MYOM2: variants seen among roughly 807,000 people sequenced by gnomAD.
MYOM2 encodes the protein myomesin-2.
Under a neutral mutation model 187.6 loss-of-function variants are expected in MYOM2, and 254 were observed. That is an observed-to-expected ratio of 1.35 (90% CI 1.22 to 1.50). The LOEUF (loss-of-function observed/expected upper bound fraction) is 1.50. Among genes scored for constraint, MYOM2 ranks in the 40% most tolerant of loss-of-function variants. The pLI, the probability that MYOM2 is intolerant of heterozygous loss-of-function variation, is 0.00. For synonymous variants in MYOM2, 981 were observed against 753.8 expected, an observed-to-expected ratio of 1.30 and a Z score of -4.94; for missense variants, 2,796 against 1,924.0, an observed-to-expected ratio of 1.45 and a Z score of -8.48.
chr8:2,106,125 C>T, intron 21 of MYOM2, 117 bp from the exon 22 acceptor site: 1 of 1,049,336 alleles, frequency 9.5e-7, no homozygotes, highest in South Asian at 1.6e-5. Flanking sequence ...TTGGGGATTA[C>T]AATTTGAGAT....
At chr8:2,114,678 C>T (rs1439972611) in intron 25 of MYOM2, among the ~76,000 whole-genome samples, 1 of 152,184 alleles carries the variant, frequency 6.6e-6, no homozygotes, top group Non-Finnish European at 1.5e-5. Flanking sequence ...CCATGTTGGC[C>T]AAGCTGGTCT....
rs1202756599 is a variant in MYOM2, at chr8:2,100,951, C to A, written c.2516C>A (p.Ser839Tyr). Residue 839 changes from serine to tyrosine, a missense_variant, in exon 20 of 37, where the codon TCC becomes TAC. Transcript: ENST00000262113. Reference sequence around the variant, plus strand: ...ATGCTGTGGAAGGCCCCTGTGTACTCCGGCAGCAGCCCTGTTTCTGGATAT... The same window carrying A: ...ATGCTGTGGAAGGCCCCTGTGTACTACGGCAGCAGCCCTGTTTCTGGATAT... Reference protein sequence around the residue: ...LVMLWKAPVYSGSSPVSGYFV... With the variant: ...LVMLWKAPVYYGSSPVSGYFV... 2 of 1,614,190 alleles carry A rather than the reference C, an allele frequency of 1.2e-6. No homozygotes were observed. The highest frequency in any genetic ancestry group is 1.3e-5 in the African/African-American group (1 of 75,040).
At chr8:2,103,644 A>G (rs761736069) in intron 21 of MYOM2, among the ~76,000 whole-genome samples, 2 of 150,268 alleles carry the variant, frequency 1.3e-5, no homozygotes, top group Non-Finnish European at 3.0e-5. Flanking sequence ...GAGAGCGTGC[A>G]TGTATTATGT....
chr8:2,050,787 C>A lies in MYOM2; in HGVS notation c.21C>A (p.Pro7=). 6.2e-7 allele frequency: 1 copy of A among 1,612,992 alleles called. No homozygotes were observed. The highest frequency in any genetic ancestry group is 8.5e-7 in the Non-Finnish European group (1 of 1,179,028). Residue 7 remains proline (P), a synonymous_variant, in exon 2 of 37, where the codon CCC becomes CCA. Transcript: ENST00000262113. ...CCAAGATGTCCCTTGTGACTGTCCC[C>A]TTCTACCAGAAGAGACATAGGCACT... The part of the protein sequence containing the change: MSLVTV[P]FYQKRHRHFD...
chr8:2,088,818 A>G (rs1331596192), intron 14 of MYOM2, among the ~76,000 whole-genome samples: 1 of 152,214 alleles, frequency 6.6e-6, no homozygotes, highest in East Asian at 1.9e-4. Context: ...TTCTGCTTTA[A>G]GTTCTTTGAG....
At chr8:2,121,938 T>C (rs184387252) in intron 28 of MYOM2, among the ~76,000 whole-genome samples, 60 of 152,158 alleles carry the variant, frequency 3.9e-4, no homozygotes, top group Middle Eastern at 3.4e-3. Flanking sequence ...TTTGAGGGAG[T>C]GCAGAGAAGA....
At position 2,106,102 on chromosome 8, in the gene MYOM2, A is replaced by G. The variant is rs73544854; in HGVS notation, c.2735-140A>G. The G allele has an allele frequency of 4.8e-3, 3,870 of 806,728 alleles. 112 individuals are homozygous for G. In the African/African-American group the frequency reaches 0.059, roughly 12 times the overall value. The allele number at this position is 806,728 out of a possible 1,614,324, so 50.0% of individuals were successfully genotyped here. A position where few individuals can be genotyped will look rare whatever the true frequency, so the allele number is the denominator to read the frequency against. On this transcript the variant is annotated intron_variant, in intron 21 of 36. Transcript: ENST00000262113. Reference sequence around the variant, plus strand: ...ACCACCCCCGTGATCCAATCACCTCACTCCCTCTACACTTGGGGATTACAA... The same window carrying G: ...ACCACCCCCGTGATCCAATCACCTCGCTCCCTCTACACTTGGGGATTACAA...
In MYOM2 at chr8:2,082,332, C is replaced by T. The variant is rs575365457; in HGVS notation, c.1516+2719C>T. 5.9e-5 allele frequency: 9 copies of T among 152,292 alleles called. No individual in the cohort carries two copies. The South Asian group carries it at 1.5e-3, about 25-fold the overall frequency. 9.4% of individuals were successfully genotyped at this position (152,292 alleles called of 1,614,324 possible). A position where few individuals can be genotyped will look rare whatever the true frequency, so the allele number is the denominator to read the frequency against. ...TATAATGTTTCGAAGCGAACCATTT[C>T]GGGATTCAAGAATTTGCTATTAGGA... On this transcript the variant is annotated intron_variant, in intron 13 of 36. Coordinates refer to ENST00000262113, the MANE Select transcript of MYOM2 (RefSeq NM_003970.4).
intron 32 of MYOM2, among the ~76,000 whole-genome samples, chr8:2,130,593 C>A (rs1026730051): frequency 2.0e-5 from 3 of 152,120 alleles, no homozygotes; most frequent in African/African-American, 7.2e-5. Flanking sequence ...TAGCTTTTTT[C>A]CTATTTCAAT....
chr8:2,135,113 C>T (rs1408946630), intron 32 of MYOM2, among the ~76,000 whole-genome samples: 4 of 152,306 alleles, frequency 2.6e-5, no homozygotes, highest in South Asian at 4.1e-4. Flanking sequence ...TAAAGCCTGG[C>T]TCTCACCTAC....
At chr8:2,122,932 G>C (rs1797506211) in intron 28 of MYOM2, among the ~76,000 whole-genome samples, 2 of 151,802 alleles carry the variant, frequency 1.3e-5, no homozygotes, top group South Asian at 4.2e-4. Flanking sequence ...TATTGCTTAA[G>C]ACTTGTCTTT....
At position 2,137,256 on chromosome 8, in the gene MYOM2, G is replaced by A. The variant is rs192165926; in HGVS notation, c.3801-3467G>A. On this transcript the variant is annotated intron_variant, in intron 32 of 36. Transcript: ENST00000262113. ...TGTGTGGGAGGATGAGCTCACACAG[G>A]GTGATGAGCTCACACAGGGTGGCAG... Among the ~76,000 whole-genome samples the A allele has an allele frequency of 8.6e-5, 13 of 151,860 alleles. No homozygotes were observed. In the East Asian group the frequency reaches 1.9e-3, roughly 23 times the overall value.
intron 2 of MYOM2, 115 bp from the exon 3 acceptor site, chr8:2,052,043 G>C: frequency 2.3e-6 from 3 of 1,286,198 alleles, no homozygotes; most frequent in Non-Finnish European, 3.3e-6. Context: ...GTGTTTGTGT[G>C]TGCTCTGCAT....
chr8:2,086,635 G>C (rs1456655694), intron 14 of MYOM2, among the ~76,000 whole-genome samples: 3 of 152,264 alleles, frequency 2.0e-5, no homozygotes, highest in Non-Finnish European at 4.4e-5. Context: ...CACGGCAGCA[G>C]GGGCGGAAAT....
rs1796243372 is a variant in MYOM2 at position 2,090,053 on chromosome 8, G to A, written c.1690G>A (p.Ala564Thr). ...CTGGCAGAGAGTCAACGCCCAGACG[G>A]CTGTGAGATCCCCGAGATATGCCGT... ...GSWQRVNAQT[A>T]VRSPRYAVFD... The change falls in exon 15 of 37, where the codon GCT becomes ACT. Residue 564 changes from alanine to threonine, a missense_variant. Physicochemically the swap from Ala to Thr is moderately conservative, Grantham distance 58. Coordinates refer to ENST00000262113, the MANE Select transcript of MYOM2 (RefSeq NM_003970.4). 2.5e-6 allele frequency: 4 copies of A among 1,614,112 alleles called. No individual in the cohort carries two copies. Among genetic ancestry groups the A allele is most frequent in the Non-Finnish European group, 3.4e-6 (4 of 1,180,012 alleles).
In MYOM2 at chr8:2,127,604, G is replaced by A. The variant is rs926559184; in HGVS notation, c.3695-1523G>A. 1.8e-4 allele frequency: 27 copies of A among 153,668 alleles called. 6 individuals carry two copies. The highest frequency in any genetic ancestry group is 3.1e-4 in the Non-Finnish European group (22 of 70,374). The allele number at this position is 153,668 out of a possible 1,614,324, so 9.5% of individuals were successfully genotyped here. A position where few individuals can be genotyped will look rare whatever the true frequency, so the allele number is the denominator to read the frequency against. ...CTCGGCGTGACGCGGTGACGCAGCC[G>A]CAGGCAGGCAGTACCTCGGCGTGAC... On this transcript the variant is annotated intron_variant, in intron 31 of 36. Transcript: ENST00000262113.
Position 2,079,598 on chromosome 8 carries a change from C to T in MYOM2, c.1501C>T (p.Gln501Ter), listed in dbSNP as rs1474471893. The T allele has an allele frequency of 2.5e-6, 4 of 1,614,000 alleles. No homozygotes were observed. The highest frequency in any genetic ancestry group is 1.6e-4 in the Middle Eastern group (1 of 6,084). Residue 501 changes from glutamine (Q) to a stop codon, truncating the protein, a stop_gained, in exon 13 of 37, where the codon CAG becomes TAG. Coordinates refer to ENST00000262113, the MANE Select transcript of MYOM2 (RefSeq NM_003970.4). LOFTEE classifies it high-confidence loss of function. ...GGGAGAGAAGGAGATTGCCATTTAT[C>T]AGGATGACCTTGAAGGTAAGTAGCA... ...LEGEKEIAIY[Q>*]DDLEGDAQVP... is the part of the protein sequence containing the mutation.
At chr8:2,124,469 C>T (rs2280899) in intron 31 of MYOM2, among the ~76,000 whole-genome samples, 110,615 of 152,166 alleles carry the variant, frequency 0.73, 40,262 homozygotes, top group Admixed American at 0.79. Context: ...CCACTTCTTC[C>T]ATCCTGTCTT....
Position 2,094,058 on chromosome 8 carries a change from G to C in MYOM2, c.2092G>C (p.Glu698Gln). The change falls in exon 17 of 37, where the codon GAA becomes CAA. Residue 698 changes from glutamate (E) to glutamine (Q), a missense_variant. Transcript: ENST00000262113. ...NAVGMSENSQ[E>Q]SDVIKVQAAL... Reference sequence around the variant, plus strand: ...TGTGGGGATGAGTGAAAATTCCCAGGAATCAGACGTCATAAAAGTGCAGGC... The same window carrying C: ...TGTGGGGATGAGTGAAAATTCCCAGCAATCAGACGTCATAAAAGTGCAGGC... 1 of 1,614,142 alleles carries C rather than the reference G, an allele frequency of 6.2e-7. No homozygotes were observed.
Sources: allele counts gnomAD v4.1 joint callset (sites outside exome capture counted in the v4.1 genomes callset), GRCh38; gene constraint gnomAD v4.1.1; transcripts MANE v1.5; gene names NCBI Gene and HGNC (gene_info 2026-07-23, HGNC 2026-07-21).